Variants in USH2A observed in about 807,000 individuals in gnomAD.
The protein encoded by USH2A is usherin.
In USH2A, 443 loss-of-function variants were observed where a neutral mutation model predicts 538.9. The observed-to-expected ratio is 0.82, with a 90% CI of 0.76 to 0.89. USH2A has a LOEUF of 0.89. USH2A is among the 40% of genes least tolerant of loss of function. The pLI is 0.00. For missense variants in USH2A, 6,633 were observed against 6,324.8 expected (o/e 1.05, Z -1.65); for synonymous variants, 2,413 against 2,273.5 (o/e 1.06, Z -1.75).
At chr1:216,111,364 G>A (rs1472836989) in intron 21 of USH2A, among the ~76,000 whole-genome samples, 1 of 152,188 alleles carries the variant, frequency 6.6e-6, no homozygotes, top group Non-Finnish European at 1.5e-5. Context: ...AGAATCTGCT[G>A]CTATCGCTAA....
At chr1:215,656,456 T>C (rs1558040254) in intron 64 of USH2A, among the ~76,000 whole-genome samples, 5 of 152,238 alleles carry the variant, frequency 3.3e-5, no homozygotes. Flanking sequence ...ACCAAGCTGA[T>C]GTCTATTTGG....
At chr1:216,394,385 A>G (rs1336552596) in intron 3 of USH2A, among the ~76,000 whole-genome samples, 3 of 152,086 alleles carry the variant, frequency 2.0e-5, no homozygotes, top group African/African-American at 4.8e-5. Context: ...GATGGGAATG[A>G]CTATAAAAGA....
intron 69 of USH2A, among the ~76,000 whole-genome samples, chr1:215,637,472 C>T (rs1484889398): frequency 1.3e-5 from 2 of 152,200 alleles, no homozygotes; most frequent in African/African-American, 4.8e-5. Flanking sequence ...GTGTTCTCAT[C>T]CCAGTAACAA....
At chr1:216,313,327 T>A (rs550027996) in intron 9 of USH2A, among the ~76,000 whole-genome samples, 2 of 152,314 alleles carry the variant, frequency 1.3e-5, no homozygotes, top group African/African-American at 4.8e-5. Flanking sequence ...TGGGGACCCC[T>A]GTTCTATGAT....
intron 52 of USH2A, among the ~76,000 whole-genome samples, chr1:215,784,067 C>T (rs866476041): frequency 3.9e-5 from 6 of 151,976 alleles, no homozygotes; most frequent in South Asian, 2.1e-4. Context: ...TTTTTCTGCT[C>T]GGGGGTATCT....
At chr1:216,292,479 A>G in intron 9 of USH2A, 109 bp from the exon 10 acceptor site, 4 of 1,144,360 alleles carry the variant, frequency 3.5e-6, no homozygotes, top group Non-Finnish European at 4.9e-6. Flanking sequence ...CAGTGAGTTA[A>G]AAGTCAGCAA....
At chr1:216,215,507 A>G (rs1372120879) in intron 15 of USH2A, among the ~76,000 whole-genome samples, 1 of 152,072 alleles carries the variant, frequency 6.6e-6, no homozygotes, top group South Asian at 2.1e-4. Flanking sequence ...CCCACCATTT[A>G]CATTTTTCTG....
Position 215,779,995 on chromosome 1 carries a change from G to A in USH2A, c.10787C>T (p.Pro3596Leu), listed in dbSNP as rs369021454. ...TQGVPESILP[P>L]SITALSAVAL... ...CACTGCACTTAGGGCTGTGATGCTTGGTGGCAGGATGCTCTCCGGAACTCC... is the reference window on the plus strand; with the variant it reads ...CACTGCACTTAGGGCTGTGATGCTTAGTGGCAGGATGCTCTCCGGAACTCC... The change falls in exon 55 of 72, where the codon CCA becomes CTA. Residue 3596 changes from proline to leucine, a missense_variant. Transcript: ENST00000307340. 6.2e-7 allele frequency: 1 copy of A among 1,613,976 alleles called. No homozygotes were observed. Among genetic ancestry groups the A allele is most frequent in the Non-Finnish European group, 8.5e-7 (1 of 1,180,026 alleles).
chr1:216,322,019 A>C, intron 8 of USH2A, 43 bp from the exon 9 acceptor site: 87 of 1,569,356 alleles, frequency 5.5e-5, no homozygotes, highest in Non-Finnish European at 6.8e-5. Context: ...ACACCAACTC[A>C]ACTGTGAATA....
chr1:215,996,968 C>T (rs1263024811), intron 34 of USH2A, among the ~76,000 whole-genome samples: 1 of 152,086 alleles, frequency 6.6e-6, no homozygotes, highest in African/African-American at 2.4e-5. Flanking sequence ...GTTTTGTTTT[C>T]CAGCTCTTAG....
chr1:216,225,740 T>C (rs1178468193), intron 14 of USH2A, among the ~76,000 whole-genome samples: 1 of 152,160 alleles, frequency 6.6e-6, no homozygotes, highest in Non-Finnish European at 1.5e-5. Context: ...GTTTTACGTC[T>C]TTTTCACCAA....
chr1:216,248,102 C>T (rs778938903), intron 12 of USH2A, among the ~76,000 whole-genome samples: 2 of 152,022 alleles, frequency 1.3e-5, no homozygotes, highest in Non-Finnish European at 2.9e-5. Context: ...TCATGCTCTC[C>T]TTGGCTCATA....
At chr1:216,071,818 C>T (rs2031568230) in intron 29 of USH2A, among the ~76,000 whole-genome samples, 1 of 152,154 alleles carries the variant, frequency 6.6e-6, no homozygotes, top group Non-Finnish European at 1.5e-5. Context: ...TATATTGGAG[C>T]TTTCTCTTAG....
At chr1:215,836,552 T>TA (rs1253616642) in intron 47 of USH2A, among the ~76,000 whole-genome samples, 1 of 16,376 alleles carries the variant, frequency 6.1e-5, no homozygotes, top group African/African-American at 3.1e-4. Flanking sequence ...AATATATATA[T>TA]ATATATATAT....
At chr1:215,972,451 C>A (rs746763296) in intron 35 of USH2A, among the ~76,000 whole-genome samples, 1 of 152,132 alleles carries the variant, frequency 6.6e-6, no homozygotes, top group Admixed American at 6.6e-5. Context: ...GTCAATCATC[C>A]TTTTCTTCCA....
At chr1:215,711,971 C>CAACTTT (rs1317860473) in intron 61 of USH2A, among the ~76,000 whole-genome samples, 3 of 152,148 alleles carry the variant, frequency 2.0e-5, no homozygotes, top group African/African-American at 7.2e-5. Flanking sequence ...TGTCCCCTAA[C>CAACTTT]AACTTTAATT....
At chr1:216,036,875 T>C (rs975581325) in intron 32 of USH2A, among the ~76,000 whole-genome samples, 3 of 152,064 alleles carry the variant, frequency 2.0e-5, no homozygotes, top group Non-Finnish European at 4.4e-5. Flanking sequence ...CTCCCTCCTA[T>C]ATCTCTAAGA....
At chr1:216,017,304 C>A (rs1050617522) in intron 32 of USH2A, among the ~76,000 whole-genome samples, 1 of 151,974 alleles carries the variant, frequency 6.6e-6, no homozygotes, top group East Asian at 1.9e-4. Context: ...TGCCTCTGCA[C>A]AAGGATAGAT....
At chr1:215,952,778 G>A (rs1472782262) in intron 37 of USH2A, among the ~76,000 whole-genome samples, 1 of 152,136 alleles carries the variant, frequency 6.6e-6, no homozygotes, top group Non-Finnish European at 1.5e-5. Context: ...TCCCTTTGTG[G>A]GTAACCCGAC....
Sources: gnomAD v4.1 joint callset for allele counts (sites outside exome capture counted in the v4.1 genomes callset) on GRCh38, gnomAD v4.1.1 for gene constraint, MANE v1.5 for transcripts, NCBI Gene and HGNC (gene_info 2026-07-23, HGNC 2026-07-21) for gene names.